Variants in KIAA1958 observed in about 807,000 individuals in gnomAD.
KIAA1958 encodes uncharacterized protein KIAA1958.
Under a neutral mutation model 47.2 loss-of-function variants are expected in KIAA1958, and 14 were observed. The observed-to-expected ratio is 0.30, with a 90% CI of 0.20 to 0.46. The LOEUF (loss-of-function observed/expected upper bound fraction) is 0.46, where lower values mean the gene tolerates loss of function less well. Ranked by LOEUF, KIAA1958 falls within the 20% of genes least tolerant of loss-of-function variation. The pLI is 1.00. For synonymous variants in KIAA1958, 354 were observed against 353.3 expected, an observed-to-expected ratio of 1.00 and a Z score of -0.02; for missense variants, 803 against 909.2, an observed-to-expected ratio of 0.88 and a Z score of 1.50.
At chr9:112,527,423 T>C (rs1834677238) in intron 1 of KIAA1958, among the ~76,000 whole-genome samples, 1 of 152,108 alleles carries the variant, frequency 6.6e-6, no homozygotes, top group Non-Finnish European at 1.5e-5. Context: ...AAAAGCAACG[T>C]GGCTGGAGGA....
At chr9:112,580,416 A>G (rs1237350164) in intron 2 of KIAA1958, among the ~76,000 whole-genome samples, 1 of 151,970 alleles carries the variant, frequency 6.6e-6, no homozygotes, top group Non-Finnish European at 1.5e-5. Flanking sequence ...ATACATATAT[A>G]TGTATATATA....
chr9:112,531,094 G>C (rs953639325), intron 1 of KIAA1958, among the ~76,000 whole-genome samples: 2 of 152,132 alleles, frequency 1.3e-5, no homozygotes, highest in African/African-American at 4.8e-5. Flanking sequence ...TTACAATTTT[G>C]TTTAAAAGGA....
intron 2 of KIAA1958, among the ~76,000 whole-genome samples, chr9:112,643,566 T>C (rs997833870): frequency 2.0e-5 from 3 of 152,218 alleles, no homozygotes; most frequent in African/African-American, 7.2e-5. Context: ...GAGAGAAGTC[T>C]ACCTACAAGA....
intron 2 of KIAA1958, among the ~76,000 whole-genome samples, chr9:112,613,003 A>G (rs1836352332): frequency 6.6e-6 from 1 of 152,230 alleles, no homozygotes; most frequent in South Asian, 2.1e-4. Flanking sequence ...TAAGAAGCAG[A>G]GTATAGAATA....
intron 1 of KIAA1958, among the ~76,000 whole-genome samples, chr9:112,524,457 T>A (rs1443685615): frequency 6.6e-6 from 1 of 152,254 alleles, no homozygotes; most frequent in Non-Finnish European, 1.5e-5. Flanking sequence ...TTAAAAAAAT[T>A]GTAGTAAAAT....
At chr9:112,639,795 A>AT (rs1836863694) in intron 2 of KIAA1958, among the ~76,000 whole-genome samples, 1 of 152,162 alleles carries the variant, frequency 6.6e-6, no homozygotes, top group African/African-American at 2.4e-5. Context: ...ATCTCCATCA[A>AT]TACACACATA....
intron 2 of KIAA1958, among the ~76,000 whole-genome samples, chr9:112,627,793 CTTTA>C (rs1164813683): frequency 2.0e-5 from 3 of 152,102 alleles, no homozygotes; most frequent in African/African-American, 7.2e-5. Flanking sequence ...ATTTTATTTC[CTTTA>C]TTAAGAACCA....
chr9:112,501,635 C>T (rs1012753781), intron 1 of KIAA1958, among the ~76,000 whole-genome samples: 1 of 152,128 alleles, frequency 6.6e-6, no homozygotes, highest in Non-Finnish European at 1.5e-5. Context: ...GGTAGCCAAG[C>T]ATTTCGGGCA....
intron 1 of KIAA1958, among the ~76,000 whole-genome samples, chr9:112,541,009 C>T (rs538312397): frequency 4.6e-5 from 7 of 152,122 alleles, no homozygotes; most frequent in Admixed American, 4.6e-4. Context: ...GGTGAGTCAC[C>T]GAGCCTGGCC....
chr9:112,592,437 C>G (rs1444585171), intron 2 of KIAA1958, among the ~76,000 whole-genome samples: 1 of 152,092 alleles, frequency 6.6e-6, no homozygotes, highest in African/African-American at 2.4e-5. Flanking sequence ...ACACTTCTAC[C>G]CATGTCACTT....
chr9:112,645,210 A>C (rs576578956), intron 2 of KIAA1958, among the ~76,000 whole-genome samples: 4 of 151,772 alleles, frequency 2.6e-5, no homozygotes, highest in African/African-American at 9.7e-5. Flanking sequence ...TTGAAAATGT[A>C]AATTACAAAT....
At chr9:112,588,006 T>C (rs535874286) in intron 2 of KIAA1958, among the ~76,000 whole-genome samples, 1 of 152,198 alleles carries the variant, frequency 6.6e-6, no homozygotes, top group Non-Finnish European at 1.5e-5. Flanking sequence ...GTTAAAATAA[T>C]GAGAGAGGAA....
intron 2 of KIAA1958, among the ~76,000 whole-genome samples, chr9:112,619,668 C>T (rs1038695522): frequency 1.3e-5 from 2 of 152,138 alleles, no homozygotes; most frequent in Non-Finnish European, 2.9e-5. Flanking sequence ...TTACATAGCT[C>T]ATTTTAACTA....
At chr9:112,607,902 G>A (rs992687960) in intron 2 of KIAA1958, among the ~76,000 whole-genome samples, 3 of 152,266 alleles carry the variant, frequency 2.0e-5, no homozygotes, top group Admixed American at 2.0e-4. Flanking sequence ...AGTATGAGTG[G>A]AGAATTTTGA....
At position 112,663,024 on chromosome 9, in the gene KIAA1958, T is replaced by C. The variant is rs1242061507; in HGVS notation, c.*2955T>C. 1 of 152,068 alleles carries C rather than the reference T, an allele frequency of 6.6e-6. No homozygotes were observed. The highest frequency in any genetic ancestry group is 6.6e-5 in the Admixed American group (1 of 15,266). 9.4% of individuals were successfully genotyped at this position (152,068 alleles called of 1,614,324 possible). Reference sequence around the variant, plus strand: ...GAAAGAAGTGGGGAGGTAAAGAGCGTTTTCTCCACTTACCTTTGGGTTTTT... The same window carrying C: ...GAAAGAAGTGGGGAGGTAAAGAGCGCTTTCTCCACTTACCTTTGGGTTTTT... On this transcript the variant is annotated 3_prime_UTR_variant, in exon 4 of 4. Transcript: ENST00000337530.
At chr9:112,612,183 G>A (rs1836338544) in intron 2 of KIAA1958, among the ~76,000 whole-genome samples, 1 of 152,112 alleles carries the variant, frequency 6.6e-6, no homozygotes, top group Non-Finnish European at 1.5e-5. Context: ...TGAGGTGGAA[G>A]AATTGCTTGA....
intron 2 of KIAA1958, among the ~76,000 whole-genome samples, chr9:112,643,518 C>T (rs10513167): frequency 0.029 from 4,436 of 152,076 alleles, 145 homozygotes; most frequent in African/African-American, 0.08. Flanking sequence ...CAAGCAAGTC[C>T]CACAAGTAAT....
rs1174794338 is a variant in KIAA1958 at position 112,525,981 on chromosome 9, C to T, written c.-25+38863C>T. ...TCTTCTTCTTCTTCTTCTTCTTCTT[C>T]TTCTTCTTCTTCTTCTTCTTTTTTT... is the stretch of plus-strand genomic sequence containing the variant. On this transcript the variant is annotated intron_variant, in intron 1 of 3. Coordinates refer to ENST00000337530, the MANE Select transcript of KIAA1958 (RefSeq NM_133465.4). 2.6e-3 allele frequency among the ~76,000 whole-genome samples: 5 copies of T among 1,910 alleles called. No homozygotes were observed. In the East Asian group the frequency reaches 0.05, roughly 19 times the overall value. 1.3% of individuals were successfully genotyped at this position (1,910 alleles called of 152,430 possible).
chr9:112,630,108 G>A (rs1226710897), intron 2 of KIAA1958, among the ~76,000 whole-genome samples: 1 of 152,216 alleles, frequency 6.6e-6, no homozygotes, highest in Non-Finnish European at 1.5e-5. Flanking sequence ...CCTGGAAGGG[G>A]AAGCATTGCG....
Sources: gnomAD v4.1 joint callset for allele counts (sites outside exome capture counted in the v4.1 genomes callset) on GRCh38, gnomAD v4.1.1 for gene constraint, MANE v1.5 for transcripts, NCBI Gene and HGNC (gene_info 2026-07-23, HGNC 2026-07-21) for gene names.